Variants in TPT1 observed in about 807,000 individuals in gnomAD.
The protein encoded by TPT1 is tumor protein, translationally-controlled 1.
In TPT1, 5 loss-of-function variants were observed where a neutral mutation model predicts 22.8. The observed-to-expected ratio is 0.22, with a 90% CI of 0.11 to 0.46. TPT1 has a LOEUF of 0.46. Among genes scored for constraint, TPT1 ranks in the 20% least tolerant of loss-of-function variants. The pLI is 0.99. For missense variants in TPT1, 130 were observed against 218.7 expected, an observed-to-expected ratio of 0.59 and a Z score of 2.56; for synonymous variants, 89 against 73.6, an observed-to-expected ratio of 1.21 and a Z score of -1.07.
At position 45,337,011 on chromosome 13, in the gene TPT1, A is replaced by G. The variant is rs560419126; in HGVS notation, c.*375T>C. 4.0e-6 allele frequency: 1 copy of G among 250,022 alleles called. No individual in the cohort carries two copies. The highest frequency in any genetic ancestry group is 5.2e-5 in the South Asian group (1 of 19,274). The allele number at this position is 250,022 out of a possible 1,614,324, so 15.5% of individuals were successfully genotyped here. A position where few individuals can be genotyped will look rare whatever the true frequency, so the allele number is the denominator to read the frequency against. ...ATGGTCTTTCCCTTTATTGCAACTCAAAATCAGAACCTTTGATTCTTTTTT... is the reference window on the plus strand; with the variant it reads ...ATGGTCTTTCCCTTTATTGCAACTCGAAATCAGAACCTTTGATTCTTTTTT... On this transcript the variant is annotated 3_prime_UTR_variant, in exon 6 of 6. Coordinates refer to ENST00000530705, the MANE Select transcript of TPT1 (RefSeq NM_003295.4).
chr13:45,339,716 G>A (rs1878953284), intron 3 of TPT1, 114 bp from the exon 4 acceptor site: 5 of 960,030 alleles, frequency 5.2e-6, no homozygotes, highest in Admixed American at 2.7e-5. Flanking sequence ...GCAACCAGCT[G>A]TTAAGAAATT....
intron 5 of TPT1, 175 bp downstream of exon 5, chr13:45,338,485 T>C (rs531004067): frequency 7.8e-7 from 1 of 1,288,388 alleles, no homozygotes; most frequent in Non-Finnish European, 1.0e-6. Context: ...TAAGCCTTTT[T>C]ATACCCTAAG....
chr13:45,338,538 GA>G, intron 5 of TPT1, 121 bp downstream of exon 5: 1 of 1,460,002 alleles, frequency 6.8e-7, no homozygotes, highest in African/African-American at 1.4e-5. Context: ...TCCCCAAAGA[GA>G]AAACTAAAAC....
At chr13:45,341,012 G>C in intron 1 of TPT1, 30 bp downstream of exon 1, 2 of 1,607,884 alleles carry the variant, frequency 1.2e-6, no homozygotes, top group African/African-American at 1.3e-5. Context: ...CCCCGTGTGC[G>C]GCAGTAAGGA....
At chr13:45,340,378 C>T in intron 2 of TPT1, 194 bp from the exon 3 acceptor site, 2 of 879,056 alleles carry the variant, frequency 2.3e-6, no homozygotes, top group African/African-American at 1.7e-5. Flanking sequence ...TTGGCCGGAA[C>T]AAAAAATGGG....
At chr13:45,339,633 TATTGA>T in intron 3 of TPT1, 31 bp from the exon 4 acceptor site, 1 of 1,544,374 alleles carries the variant, frequency 6.5e-7, no homozygotes, top group East Asian at 2.3e-5. Context: ...CAGGTTGAAG[TATTGA>T]ATTTTCAGTA....
chr13:45,340,873 G>GC lies in TPT1; in HGVS notation c.29-89dup, dbSNP rs370388181. The GC allele has an allele frequency of 4.7e-5, 69 of 1,458,090 alleles. 1 individual carries two copies. In the African/African-American group the frequency reaches 6.7e-4, roughly 14 times the overall value. 90.3% of individuals were successfully genotyped at this position (1,458,090 alleles called of 1,614,324 possible). ...GCGCCGGCGGCCGCACGCGGGATCT[G>GC]CCCCTCCGTAGCACACCAGAGCTGG... is the stretch of plus-strand genomic sequence containing the variant. On this transcript the variant is annotated intron_variant, in intron 1 of 5. Coordinates refer to ENST00000530705, the MANE Select transcript of TPT1 (RefSeq NM_003295.4).
In TPT1 at chr13:45,339,615, T is replaced by C. The variant is rs775623590; in HGVS notation, c.294-13A>G. The C allele has an allele frequency of 1.9e-6, 3 of 1,595,864 alleles. No individual in the cohort carries two copies. Among genetic ancestry groups the C allele is most frequent in the Non-Finnish European group, 2.6e-6 (3 of 1,167,164 alleles). ...TTTCCCTTTGATTCTAAAACAACAT[T>C]TCATTAACAGGTTGAAGTATTGAAT... is the stretch of plus-strand genomic sequence containing the variant. On this transcript the variant is annotated splice_polypyrimidine_tract_variant and intron_variant, in intron 3 of 5. Coordinates refer to ENST00000530705, the MANE Select transcript of TPT1 (RefSeq NM_003295.4).
At chr13:45,339,705 G>A (rs1878952460) in intron 3 of TPT1, 103 bp from the exon 4 acceptor site, 4 of 1,069,618 alleles carry the variant, frequency 3.7e-6, no homozygotes, top group Admixed American at 2.6e-5. Context: ...CACTGAAAAA[G>A]GCAACCAGCT....
At chr13:45,339,753 G>A (rs1878956629) in intron 3 of TPT1, 151 bp from the exon 4 acceptor site, 2 of 780,478 alleles carry the variant, frequency 2.6e-6, no homozygotes, top group Non-Finnish European at 4.0e-6. Context: ...TATCTTTCAA[G>A]AATGTTTACA....
Position 45,341,111 on chromosome 13 carries a change from C to T in TPT1, c.-42G>A, listed in dbSNP as rs763788350. ...AGACGACGACGGCGCTAGCTTAGCA[C>T]GAGCCTGAAACTCGGAGCGAGCGCG... On this transcript the variant is annotated 5_prime_UTR_variant, in exon 1 of 6. In the 5' UTR this introduces an upstream ATG that the reference lacks. Transcript: ENST00000530705. 9 of 1,610,014 alleles carry T rather than the reference C, an allele frequency of 5.6e-6. No homozygotes were observed. Among genetic ancestry groups the T allele is most frequent in the East Asian group, 2.2e-5 (1 of 44,654 alleles).
intron 2 of TPT1, 33 bp from the exon 3 acceptor site, chr13:45,340,217 GAC>G (rs772717553): frequency 1.9e-6 from 3 of 1,589,956 alleles, no homozygotes; most frequent in Non-Finnish European, 2.6e-6. Context: ...AATTGCAAAA[GAC>G]ACAAACGCAT....
chr13:45,337,701 C>CTG, intron 5 of TPT1: 1 of 765,570 alleles, frequency 1.3e-6, no homozygotes, highest in Admixed American at 2.1e-5. Flanking sequence ...ACCTCAGATA[C>CTG]TGTCTGAATA....
chr13:45,336,399 AACC>A lies in TPT1; in HGVS notation c.*984_*986del, dbSNP rs1878700116. The A allele has an allele frequency of 6.6e-6, 1 of 152,216 alleles. No individual in the cohort carries two copies. The highest frequency in any genetic ancestry group is 1.5e-5 in the Non-Finnish European group (1 of 68,042). The allele number at this position is 152,216 out of a possible 1,614,324, so 9.4% of individuals were successfully genotyped here. A position where few individuals can be genotyped will look rare whatever the true frequency, so the allele number is the denominator to read the frequency against. ...ATGTTCTTCTTGCATCTGTGGTGGA[AACC>A]ATAGCAGCAGATAGCAACTGCTCCA... On this transcript the variant is annotated 3_prime_UTR_variant, in exon 6 of 6. Transcript: ENST00000530705.
intron 1 of TPT1, 31 bp from the exon 2 acceptor site, chr13:45,340,816 T>G (rs556647633): frequency 6.6e-7 from 1 of 1,506,560 alleles, no homozygotes; most frequent in East Asian, 2.3e-5. Context: ...CCCATCACCG[T>G]GCGCCTGGCG....
intron 5 of TPT1, 105 bp from the exon 6 acceptor site, chr13:45,337,493 A>C: frequency 6.2e-7 from 1 of 1,614,104 alleles, no homozygotes; most frequent in East Asian, 2.2e-5. Flanking sequence ...TGTATTCCCC[A>C]ATTCAATCTG....
chr13:45,337,028 TTC>T lies in TPT1; in HGVS notation c.*356_*357del. The T allele has an allele frequency of 3.7e-6, 1 of 270,100 alleles. No individual in the cohort carries two copies. The highest frequency in any genetic ancestry group is 7.1e-6 in the Non-Finnish European group (1 of 141,072). The allele number at this position is 270,100 out of a possible 1,614,324, so 16.7% of individuals were successfully genotyped here. A position where few individuals can be genotyped will look rare whatever the true frequency, so the allele number is the denominator to read the frequency against. On this transcript the variant is annotated 3_prime_UTR_variant, in exon 6 of 6. Coordinates refer to ENST00000530705, the MANE Select transcript of TPT1 (RefSeq NM_003295.4). ...TGCAACTCAAAATCAGAACCTTTGATTCTTTTTTATATTCCAGTCCCAGAAGT... is the reference window on the plus strand; with the variant it reads ...TGCAACTCAAAATCAGAACCTTTGATTTTTTTATATTCCAGTCCCAGAAGT...
chr13:45,334,403 T>A lies in TPT1; in HGVS notation c.*2983A>T, dbSNP rs1173702419. ...CCTTATCCTGTATCATGGCTTTCAA[T>A]GTCTATTGTTATCTTTCCACTCTCT... On this transcript the variant is annotated 3_prime_UTR_variant, in exon 6 of 6. Coordinates refer to ENST00000530705, the MANE Select transcript of TPT1 (RefSeq NM_003295.4). 6.6e-6 allele frequency: 1 copy of A among 152,248 alleles called. No homozygotes were observed. Among genetic ancestry groups the A allele is most frequent in the Non-Finnish European group, 1.5e-5 (1 of 68,048 alleles). The allele number at this position is 152,248 out of a possible 1,614,324, so 9.4% of individuals were successfully genotyped here. A position where few individuals can be genotyped will look rare whatever the true frequency, so the allele number is the denominator to read the frequency against.
intron 2 of TPT1, 73 bp downstream of exon 2, chr13:45,340,639 T>G (rs1879041397): frequency 6.6e-7 from 1 of 1,508,262 alleles, no homozygotes; most frequent in African/African-American, 1.4e-5. Context: ...TTGCACAACC[T>G]CAGGCGGGGG....
Sources: allele counts gnomAD v4.1 joint callset, GRCh38; gene constraint gnomAD v4.1.1; transcripts MANE v1.5; gene names NCBI Gene and HGNC (gene_info 2026-07-23, HGNC 2026-07-21).